The following HRNR variants were observed in gnomAD, a reference collection of about 807,000 sequenced individuals.
HRNR encodes the protein hornerin.
In HRNR, 7 loss-of-function variants were observed where a neutral mutation model predicts 4.8. That is an observed-to-expected ratio of 1.47 (90% confidence interval 0.83 to 2.75). The LOEUF (loss-of-function observed/expected upper bound fraction) is 2.75, where lower values mean the gene tolerates loss of function less well. HRNR is among the 30% of genes most tolerant of loss of function. HRNR has a pLI of 0.00. For missense variants in HRNR, 2,879 were observed against 3,010.4 expected (o/e 0.96, Z 1.02); for synonymous variants, 1,023 against 1,242.7 (o/e 0.82, Z 3.72).
chr1:152,219,464 T>G lies in HRNR; in HGVS notation c.2165A>C (p.His722Pro). 6.2e-7 allele frequency: 1 copy of G among 1,613,340 alleles called. No individual in the cohort carries two copies. The highest frequency in any genetic ancestry group is 8.5e-7 in the Non-Finnish European group (1 of 1,179,878). ...GCCGTGTTTTCTGTAGCCGGAGGAG[T>G]GACTTGAGCCAGATCCATGCTGACT... is the stretch of plus-strand genomic sequence containing the variant. The part of the protein sequence containing the change: ...GYSQHGSGSS[H>P]SSGYRKHGSR... The change falls in exon 3 of 3, where the codon CAC becomes CCC. Residue 722 changes from histidine to proline, a missense_variant. Physicochemically the swap from His to Pro is moderately conservative, Grantham distance 77 (BLOSUM62 -2). Coordinates refer to ENST00000368801, the MANE Select transcript of HRNR (RefSeq NM_001009931.3).
Position 152,219,302 on chromosome 1 carries a change from G to T in HRNR, c.2327C>A (p.Pro776His), listed in dbSNP as rs145603577. 8.1e-4 allele frequency: 1,309 copies of T among 1,613,768 alleles called. 8 individuals are homozygous for T. In the African/African-American group the frequency reaches 0.015, roughly 18 times the overall value. Residue 776 changes from proline (P) to histidine (H), a missense_variant, in exon 3 of 3, where the codon CCT becomes CAT. By Grantham distance (77) the Pro-to-His change is moderately conservative. This residue lies in a region of HRNR where 2,646 missense variants were observed against 1,377.7 expected (regional missense o/e 1.92). Transcript: ENST00000368801. ...ACTGGACCCATGTCGGACACGGCTA[G>T]GAGAGTGGCCAGATCCAGACCCTTG... ...GRQGSGSGHS[P>H]SRVRHGSSSG...
In HRNR at chr1:152,219,909, A is replaced by G. The variant is rs1648881333; in HGVS notation, c.1720T>C (p.Tyr574His). Reference sequence around the variant, plus strand: ...GAAGAGTGACCGGAGCCAGACTCATATGGGCCACGGCTTGAAGACCTCCCT... The same window carrying G: ...GAAGAGTGACCGGAGCCAGACTCATGTGGGCCACGGCTTGAAGACCTCCCT... ...GSGRSSSRGP[Y>H]ESGSGHSSGL... is the part of the protein sequence containing the mutation. Residue 574 changes from tyrosine to histidine, a missense_variant, in exon 3 of 3, where the codon TAT becomes CAT. Tyr to His is a moderately conservative substitution (Grantham distance 83, BLOSUM62 2). Transcript: ENST00000368801. 3 of 1,612,296 alleles carry G rather than the reference A, an allele frequency of 1.9e-6. No homozygotes were observed. The highest frequency in any genetic ancestry group is 1.1e-5 in the South Asian group (1 of 90,990).
rs1557843494 is a variant in HRNR, at chr1:152,218,598, G to GGCTA, written c.3027_3030dup (p.Arg1011Ter). On this transcript the variant is annotated stop_gained and frameshift_variant, in exon 3 of 3. Transcript: ENST00000368801. LOFTEE classifies it low-confidence loss of function (END_TRUNC). ...CCGGAACCAGACCCATGTCGGCCAC[G>GGCTA]GCTAGGGCTAGGAGACTGGCCAGAT... 2 of 1,611,198 alleles carry GGCTA rather than the reference G, an allele frequency of 1.2e-6. No homozygotes were observed. The highest frequency in any genetic ancestry group is 1.7e-6 in the Non-Finnish European group (2 of 1,179,246).
rs778700068 is a variant in HRNR at position 152,218,939 on chromosome 1, C to A, written c.2690G>T (p.Gly897Val). The A allele has an allele frequency of 1.2e-6, 2 of 1,613,848 alleles. No homozygotes were observed. The highest frequency in any genetic ancestry group is 1.7e-6 in the Non-Finnish European group (2 of 1,179,976). ...SGQSPGHGQR[G>V]SGSGQSPSYG... ...GCTGGGAGACTGCCCTGACCCAGAC[C>A]CACGCTGGCCGTGGCCTGGAGACTG... The change falls in exon 3 of 3, where the codon GGG becomes GTG. Residue 897 changes from glycine to valine, a missense_variant. By Grantham distance (109) the Gly-to-Val change is moderately radical. Transcript: ENST00000368801.
chr1:152,218,588 T>C lies in HRNR; in HGVS notation c.3041A>G (p.His1014Arg), dbSNP rs141450816. 2.2e-4 allele frequency: 356 copies of C among 1,612,696 alleles called. 1 individual carries two copies. Among genetic ancestry groups the C allele is most frequent in the Middle Eastern group, 2.1e-3 (13 of 6,056 alleles). ...GQSPSPSRGR[H>R]GSGSGQSSSY... is the part of the protein sequence containing the mutation. ...GGAAGACTGCCCGGAACCAGACCCA[T>C]GTCGGCCACGGCTAGGGCTAGGAGA... The change falls in exon 3 of 3, where the codon CAT becomes CGT. Residue 1014 changes from histidine (H) to arginine (R), a missense_variant. Physicochemically the swap from His to Arg is conservative, Grantham distance 29. Transcript: ENST00000368801.
At position 152,219,302 on chromosome 1, in the gene HRNR, G is replaced by C; in HGVS notation, c.2327C>G (p.Pro776Arg). 6.2e-7 allele frequency: 1 copy of C among 1,613,768 alleles called. No individual in the cohort carries two copies. Among genetic ancestry groups the C allele is most frequent in the African/African-American group, 1.3e-5 (1 of 74,904 alleles). Reference protein sequence around the residue: ...GRQGSGSGHSPSRVRHGSSSG... With the variant: ...GRQGSGSGHSRSRVRHGSSSG... ...ACTGGACCCATGTCGGACACGGCTA[G>C]GAGAGTGGCCAGATCCAGACCCTTG... The change falls in exon 3 of 3, where the codon CCT becomes CGT. Residue 776 changes from proline (P) to arginine (R), a missense_variant. Transcript: ENST00000368801.
chr1:152,218,409 A>G lies in HRNR; in HGVS notation c.3220T>C (p.Ser1074Pro). 2 of 1,613,380 alleles carry G rather than the reference A, an allele frequency of 1.2e-6. No homozygotes were observed. Among genetic ancestry groups the G allele is most frequent in the Non-Finnish European group, 1.7e-6 (2 of 1,180,012 alleles). Reference protein sequence around the residue: ...GQHGSSSGHSSTHGQHGSTSG... With the variant: ...GQHGSSSGHSPTHGQHGSTSG... ...GTAGAACCGTGTTGCCCATGGGTAG[A>G]GGAATGACCTGAGCTAGATCCATGT... Residue 1074 changes from serine (S) to proline (P), a missense_variant, in exon 3 of 3, where the codon TCT becomes CCT. Coordinates refer to ENST00000368801, the MANE Select transcript of HRNR (RefSeq NM_001009931.3).
In HRNR at chr1:152,218,693, G is replaced by A. The variant is rs144088764; in HGVS notation, c.2936C>T (p.Ser979Leu). ...CCCATGCTGACCATAGCTGGAAGAC[G>A]AACCTGAGCTAGATCCATGTTGTTC... ...RSEQHGSSSG[S>L]SSSYGQHGSG... Residue 979 changes from serine (S) to leucine (L), a missense_variant, in exon 3 of 3, where the codon TCG becomes TTG. Physicochemically the swap from Ser to Leu is moderately radical, Grantham distance 145. This residue lies in a region of HRNR where 2,646 missense variants were observed against 1,377.7 expected (regional missense o/e 1.92). Coordinates refer to ENST00000368801, the MANE Select transcript of HRNR (RefSeq NM_001009931.3). 112 of 1,610,436 alleles carry A rather than the reference G, an allele frequency of 7.0e-5. No homozygotes were observed. In the Middle Eastern group the frequency reaches 9.9e-4, roughly 14 times the overall value.
rs776862676 is a variant in HRNR, at chr1:152,219,945, C to A, written c.1684G>T (p.Gly562Trp). Residue 562 changes from glycine (G) to tryptophan (W), a missense_variant, in exon 3 of 3, where the codon GGG becomes TGG. By Grantham distance (184) the Gly-to-Trp change is radical. Coordinates refer to ENST00000368801, the MANE Select transcript of HRNR (RefSeq NM_001009931.3). ...CTTGAAGACCTCCCTGAGCCATACC[C>A]ATGTGGGCCATAGCTGGAAGACTGC... ...SRQSSSYGPH[G>W]YGSGRSSSRG... is the part of the protein sequence containing the mutation. 2 of 1,613,292 alleles carry A rather than the reference C, an allele frequency of 1.2e-6. No individual in the cohort carries two copies. The highest frequency in any genetic ancestry group is 2.7e-5 in the African/African-American group (2 of 74,780).
At position 152,219,847 on chromosome 1, in the gene HRNR, G is replaced by A. The variant is rs1225388954; in HGVS notation, c.1782C>T (p.Ser594=). 6.2e-7 allele frequency: 1 copy of A among 1,612,008 alleles called. No homozygotes were observed. Among genetic ancestry groups the A allele is most frequent in the Non-Finnish European group, 8.5e-7 (1 of 1,178,672 alleles). ...LGHQESRSGQ[S]SGYGQHGSSS... ...TAGATCCGTGTTGACCGTAGCCAGA[G>A]GACTGTCCTGAGCGAGACTCTTGGT... Residue 594 remains serine, a synonymous_variant, in exon 3 of 3, where the codon TCC becomes TCT. Coordinates refer to ENST00000368801, the MANE Select transcript of HRNR (RefSeq NM_001009931.3).
In HRNR at chr1:152,221,507, T is replaced by C. The variant is rs970967125; in HGVS notation, c.139-17A>G. The C allele has an allele frequency of 6.4e-7, 1 of 1,556,834 alleles. No individual in the cohort carries two copies. Among genetic ancestry groups the C allele is most frequent in the Non-Finnish European group, 8.7e-7 (1 of 1,147,508 alleles). ...GTTTGGATTCTGTATAAGAGAAAGGTACAAAGAGTAGCTCTGTTAGTATGG... is the reference window on the plus strand; with the variant it reads ...GTTTGGATTCTGTATAAGAGAAAGGCACAAAGAGTAGCTCTGTTAGTATGG... On this transcript the variant is annotated splice_polypyrimidine_tract_variant and intron_variant, in intron 2 of 2. Coordinates refer to ENST00000368801, the MANE Select transcript of HRNR (RefSeq NM_001009931.3).
rs143566650 is a variant in HRNR at position 152,219,177 on chromosome 1, C to G, written c.2452G>C (p.Gly818Arg). The G allele has an allele frequency of 2.6e-5, 42 of 1,613,932 alleles. No individual in the cohort carries two copies. Among genetic ancestry groups the G allele is most frequent in the African/African-American group, 5.3e-5 (4 of 74,970 alleles). The change falls in exon 3 of 3, where the codon GGG (glycine) becomes CGG (arginine). Residue 818 changes from glycine to arginine, a missense_variant. This residue lies in a region of HRNR where 2,646 missense variants were observed against 1,377.7 expected (regional missense o/e 1.92). Coordinates refer to ENST00000368801, the MANE Select transcript of HRNR (RefSeq NM_001009931.3). ...ESGSGQASGF[G>R]QHESGSGQGY... ...TGTCCTGAGCCAGACTCGTGTTGCCCAAAACCAGAAGCCTGGCCTGAGCCA... is the reference window on the plus strand; with the variant it reads ...TGTCCTGAGCCAGACTCGTGTTGCCGAAAACCAGAAGCCTGGCCTGAGCCA...
chr1:152,221,065 C>G lies in HRNR; in HGVS notation c.564G>C (p.Gln188His). 2 of 1,613,372 alleles carry G rather than the reference C, an allele frequency of 1.2e-6. No homozygotes were observed. The highest frequency in any genetic ancestry group is 1.7e-6 in the Non-Finnish European group (2 of 1,179,458). Reference protein sequence around the residue: ...SYGEQNSDSHQSSGRGQCGSG... With the variant: ...SYGEQNSDSHHSSGRGQCGSG... ...ACCCACATTGGCCGCGGCCTGAAGA[C>G]TGATGGGAGTCGGAGTTTTGCTCAC... is the stretch of plus-strand genomic sequence containing the variant. Residue 188 changes from glutamine to histidine, a missense_variant, in exon 3 of 3, where the codon CAG (glutamine) becomes CAC (histidine). Gln to His is a conservative substitution (Grantham distance 24). This residue lies in a region of HRNR where 2,646 missense variants were observed against 1,377.7 expected (regional missense o/e 1.92). Coordinates refer to ENST00000368801, the MANE Select transcript of HRNR (RefSeq NM_001009931.3).
Position 152,221,226 on chromosome 1 carries a change from C to T in HRNR, c.403G>A (p.Gly135Arg), listed in dbSNP as rs746908059. The change falls in exon 3 of 3, where the codon GGA becomes AGA. Residue 135 changes from glycine (G) to arginine (R), a missense_variant. Around this residue, in one of 8 missense-constraint regions of HRNR, gnomAD observed 2,646 missense variants for 1,377.7 expected, o/e 1.92. Transcript: ENST00000368801. Reference protein sequence around the residue: ...SSFSHSSWSAGENDSYSRNVR... With the variant: ...SSFSHSSWSARENDSYSRNVR... ...TTTCTGGAATAGGAATCATTCTCTC[C>T]TGCACTCCAACTTGAATGACTAAAA... 11 of 1,614,038 alleles carry T rather than the reference C, an allele frequency of 6.8e-6. No homozygotes were observed. Among genetic ancestry groups the T allele is most frequent in the African/African-American group, 4.0e-5 (3 of 74,932 alleles).
chr1:152,222,642 A>G (rs191632612), intron 2 of HRNR, among the ~76,000 whole-genome samples: 2 of 152,204 alleles, frequency 1.3e-5, no homozygotes, highest in African/African-American at 4.8e-5. Flanking sequence ...AATATCTGAC[A>G]TCTGATATCT....
rs1440736697 is a variant in HRNR, at chr1:152,219,027, C to A, written c.2602G>T (p.Gly868Cys). The change falls in exon 3 of 3, where the codon GGT becomes TGT. Residue 868 changes from glycine to cysteine, a missense_variant. Transcript: ENST00000368801. ...TGATGGGAGGCAGACTCATGCTGAC[C>A]ATAGCTGGAAGATTGACCTGAGCTA... ...DSSSGQSSSY[G>C]QHESASHHAS... 4 of 1,613,868 alleles carry A rather than the reference C, an allele frequency of 2.5e-6. No homozygotes were observed. Among genetic ancestry groups the A allele is most frequent in the Non-Finnish European group, 3.4e-6 (4 of 1,179,990 alleles).
At position 152,220,402 on chromosome 1, in the gene HRNR, G is replaced by C. The variant is rs1022476504; in HGVS notation, c.1227C>G (p.His409Gln). 1.2e-6 allele frequency: 2 copies of C among 1,613,306 alleles called. No individual in the cohort carries two copies. Among genetic ancestry groups the C allele is most frequent in the South Asian group, 2.2e-5 (2 of 91,028 alleles). The change falls in exon 3 of 3, where the codon CAC becomes CAG. Residue 409 changes from histidine (H) to glutamine (Q), a missense_variant. Transcript: ENST00000368801. ...SYGQHESASR[H>Q]SSGRGQHSSG... Reference sequence around the variant, plus strand: ...AGCTGTGTTGGCCGCGGCCTGAAGAGTGACGGGAGGCAGACTCATGCTGAC... The same window carrying C: ...AGCTGTGTTGGCCGCGGCCTGAAGACTGACGGGAGGCAGACTCATGCTGAC...
Position 152,219,385 on chromosome 1 carries a change from C to A in HRNR, c.2244G>T (p.Leu748Phe), listed in dbSNP as rs752712357. ...RSEQHGSSSG[L>F]SSSYGQHGSG... ...ACCCATGCTGACCATAGCTGGAAGA[C>A]AAACCTGAGCTAGATCCGTGTTGTT... Residue 748 changes from leucine (L) to phenylalanine (F), a missense_variant, in exon 3 of 3, where the codon TTG (leucine) becomes TTT (phenylalanine). Around this residue, in one of 8 missense-constraint regions of HRNR, gnomAD observed 2,646 missense variants for 1,377.7 expected, o/e 1.92. Transcript: ENST00000368801. 6.2e-7 allele frequency: 1 copy of A among 1,613,892 alleles called. No homozygotes were observed. Among genetic ancestry groups the A allele is most frequent in the South Asian group, 1.1e-5 (1 of 91,068 alleles).
rs200303865 is a variant in HRNR at position 152,219,315 on chromosome 1, A to T, written c.2314T>A (p.Ser772Thr). ...SSGHGRQGSG[S>T]GHSPSRVRHG... ...CGGACACGGCTAGGAGAGTGGCCAG[A>T]TCCAGACCCTTGTCGGCCGTGGCCC... is the stretch of plus-strand genomic sequence containing the variant. The change falls in exon 3 of 3, where the codon TCT (serine) becomes ACT (threonine). Residue 772 changes from serine (S) to threonine (T), a missense_variant. By Grantham distance (58) the Ser-to-Thr change is moderately conservative (BLOSUM62 1). Around this residue, in one of 8 missense-constraint regions of HRNR, gnomAD observed 2,646 missense variants for 1,377.7 expected, o/e 1.92. Coordinates refer to ENST00000368801, the MANE Select transcript of HRNR (RefSeq NM_001009931.3). The T allele has an allele frequency of 3.2e-4, 517 of 1,613,176 alleles. No homozygotes were observed. Among genetic ancestry groups the T allele is most frequent in the Non-Finnish European group, 4.2e-4 (494 of 1,179,930 alleles).
Sources: gnomAD v4.1 joint callset for allele counts (sites outside exome capture counted in the v4.1 genomes callset) on GRCh38, gnomAD v4.1.1 for gene constraint, gnomAD v4.1.1 regional missense constraint, MANE v1.5 for transcripts, NCBI Gene and HGNC (gene_info 2026-07-23, HGNC 2026-07-21) for gene names.